Variants in CNTN4 observed in about 807,000 individuals in gnomAD.
CNTN4 encodes contactin 4.
CNTN4 carries 77 observed loss-of-function variants against 122.5 expected under a neutral mutation model. That is an observed-to-expected ratio of 0.63 (90% CI 0.52 to 0.76). The LOEUF (loss-of-function observed/expected upper bound fraction) is 0.76. Among genes scored for constraint, CNTN4 ranks in the 30% least tolerant of loss-of-function variants. The probability of loss-of-function intolerance (pLI) is 0.00; values close to 1 mark genes in which losing one functional copy is unlikely to be tolerated. For missense variants in CNTN4, 1,256 were observed against 1,259.1 expected (o/e 1.00, Z 0.04); for synonymous variants, 512 against 447.0 (o/e 1.15, Z -1.83).
At chr3:2,853,136 A>G (rs1278986723) in intron 7 of CNTN4, among the ~76,000 whole-genome samples, 1 of 152,052 alleles carries the variant, frequency 6.6e-6, no homozygotes, top group Non-Finnish European at 1.5e-5. Context: ...ACAAGGGTTT[A>G]TATTATATTA....
At chr3:2,677,129 T>TTAGA (rs71621501) in intron 4 of CNTN4, among the ~76,000 whole-genome samples, 42,658 of 142,998 alleles carry the variant, frequency 0.3, 6,504 homozygotes, top group East Asian at 0.45. Flanking sequence ...GATCACTCTT[T>TTAGA]TAGATAGATA....
intron 6 of CNTN4, among the ~76,000 whole-genome samples, chr3:2,801,695 G>A (rs2092351481): frequency 1.3e-5 from 2 of 150,180 alleles, no homozygotes; most frequent in Non-Finnish European, 2.9e-5. Context: ...TACTCTGTCA[G>A]ACAGTGAGGT....
intron 13 of CNTN4, among the ~76,000 whole-genome samples, chr3:2,952,568 ATTATTTGACTCTT>A (rs1362425989): frequency 6.6e-6 from 1 of 152,118 alleles, no homozygotes; most frequent in Non-Finnish European, 1.5e-5. Flanking sequence ...TTATTGTTTT[ATTATTTGACTCTT>A]TGATTGACAG....
At chr3:3,048,032 C>G (rs532318645) in intron 23 of CNTN4, among the ~76,000 whole-genome samples, 2 of 152,278 alleles carry the variant, frequency 1.3e-5, no homozygotes, top group East Asian at 3.9e-4. Flanking sequence ...CCAGCTCAGT[C>G]ACTCCCCCTT....
In CNTN4 at chr3:2,287,676, GAAGAAGAAGAA is replaced by G. The variant is rs1559415544; in HGVS notation, c.-144-51501_-144-51491del. 5.2e-3 allele frequency among the ~76,000 whole-genome samples: 475 copies of G among 92,118 alleles called. 8 individuals carry two copies. Among genetic ancestry groups the G allele is most frequent in the Middle Eastern group, 0.022 (4 of 180 alleles). The allele number at this position is 92,118 out of a possible 152,430, so 60.4% of individuals were successfully genotyped here. Reference sequence around the variant, plus strand: ...AGAAGAAGAAGAAGAAGAAGAAGAAGAAGAAGAAGAAGAAGAGGAAGAAGAAGAAGAAGAGG... The same window carrying G: ...AGAAGAAGAAGAAGAAGAAGAAGAAGGAAGAGGAAGAAGAAGAAGAAGAGG... On this transcript the variant is annotated intron_variant, in intron 2 of 24. Transcript: ENST00000418658.
At chr3:2,199,718 A>G (rs2038009262) in intron 2 of CNTN4, among the ~76,000 whole-genome samples, 1 of 152,200 alleles carries the variant, frequency 6.6e-6, no homozygotes, top group African/African-American at 2.4e-5. Context: ...ACAGACAGTA[A>G]ATAACATAGC....
intron 4 of CNTN4, among the ~76,000 whole-genome samples, chr3:2,688,448 A>G (rs558680378): frequency 2.0e-5 from 3 of 152,342 alleles, no homozygotes; most frequent in African/African-American, 7.2e-5. Context: ...AAATACATGG[A>G]ATTAAAATAA....
At chr3:2,775,092 G>A (rs1183015604) in intron 6 of CNTN4, among the ~76,000 whole-genome samples, 1 of 152,168 alleles carries the variant, frequency 6.6e-6, no homozygotes, top group Non-Finnish European at 1.5e-5. Flanking sequence ...CATAAGTGAT[G>A]GTTTGCTTTT....
chr3:3,040,026 T>C lies in CNTN4; in HGVS notation c.2164-11T>C, dbSNP rs752005476. The C allele has an allele frequency of 9.4e-6, 15 of 1,588,826 alleles. No individual in the cohort carries two copies. Among genetic ancestry groups the C allele is most frequent in the Middle Eastern group, 1.7e-4 (1 of 6,052 alleles). On this transcript the variant is annotated splice_polypyrimidine_tract_variant and intron_variant, in intron 19 of 24. Coordinates refer to ENST00000418658, the MANE Select transcript of CNTN4 (RefSeq NM_175607.3). ...CTGTGATTTCTGAAGACCACCTTCC[T>C]TCTTTCCCAGACGGTCCCTGAGGAA...
In CNTN4 at chr3:2,963,022, G is replaced by A. The variant is rs533382880; in HGVS notation, c.1359-25323G>A. 5.3e-5 allele frequency among the ~76,000 whole-genome samples: 8 copies of A among 152,156 alleles called. No homozygotes were observed. The South Asian group carries it at 1.5e-3, about 28-fold the overall frequency. ...GAGTAGAATGGGGTTATCCCCTCCC[G>A]CATTCTGGATGCCGTATATCTATTA... On this transcript the variant is annotated intron_variant, in intron 13 of 24. Coordinates refer to ENST00000418658, the MANE Select transcript of CNTN4 (RefSeq NM_175607.3).
intron 4 of CNTN4, among the ~76,000 whole-genome samples, chr3:2,651,685 C>T (rs565575752): frequency 1.3e-5 from 2 of 151,518 alleles, no homozygotes; most frequent in South Asian, 4.2e-4. Context: ...ACCTCCATCT[C>T]TACAATTTTT....
At chr3:2,925,193 C>G (rs747073559) in intron 12 of CNTN4, among the ~76,000 whole-genome samples, 108 of 152,268 alleles carry the variant, frequency 7.1e-4, no homozygotes, top group South Asian at 2.1e-4. Context: ...TCAAAACATA[C>G]AGTGCTACAT....
At chr3:2,996,037 T>C (rs1166427819) in intron 14 of CNTN4, among the ~76,000 whole-genome samples, 1 of 152,150 alleles carries the variant, frequency 6.6e-6, no homozygotes, top group African/African-American at 2.4e-5. Flanking sequence ...AAATTAGTAA[T>C]ATAAAATAAT....
At chr3:3,033,413 G>T (rs1281391089) in intron 16 of CNTN4, among the ~76,000 whole-genome samples, 2 of 152,192 alleles carry the variant, frequency 1.3e-5, no homozygotes, top group Admixed American at 6.5e-5. Context: ...AAAGGAAAGG[G>T]AATTTAGGGC....
At chr3:3,036,608 C>A (rs115761766) in intron 17 of CNTN4, among the ~76,000 whole-genome samples, 5 of 148,596 alleles carry the variant, frequency 3.4e-5, no homozygotes, top group South Asian at 2.2e-4. Flanking sequence ...ACTAAAAATA[C>A]AAAAAAAAAA....
intron 13 of CNTN4, among the ~76,000 whole-genome samples, chr3:2,978,666 T>A (rs1250584009): frequency 6.6e-6 from 1 of 152,232 alleles, no homozygotes; most frequent in African/African-American, 2.4e-5. Context: ...ACAGGCTCGC[T>A]GACACGTGCC....
rs1421755199 is a variant in CNTN4, at chr3:2,307,985, T to G, written c.-144-31193T>G. Among the ~76,000 whole-genome samples, 3 of 152,284 alleles carry G rather than the reference T, an allele frequency of 2.0e-5. No individual in the cohort carries two copies. The East Asian group carries it at 5.8e-4, about 29-fold the overall frequency. ...CTTTGTCTTCTAGTTTTTGAAGAAT[T>G]TCAATAAACATTTTGTGGAATGTAC... On this transcript the variant is annotated intron_variant, in intron 2 of 24. Coordinates refer to ENST00000418658, the MANE Select transcript of CNTN4 (RefSeq NM_175607.3).
chr3:2,296,446 T>C (rs568823016), intron 2 of CNTN4, among the ~76,000 whole-genome samples: 1 of 151,650 alleles, frequency 6.6e-6, no homozygotes, highest in Non-Finnish European at 1.5e-5. Context: ...GCAATTTAAT[T>C]ATTTCAGTGG....
chr3:2,425,776 C>G (rs2047804180), intron 3 of CNTN4, among the ~76,000 whole-genome samples: 1 of 152,148 alleles, frequency 6.6e-6, no homozygotes, highest in Non-Finnish European at 1.5e-5. Flanking sequence ...TTGAAGAGCT[C>G]CTTCACAACC....
Sources: allele counts gnomAD v4.1 joint callset (sites outside exome capture counted in the v4.1 genomes callset), GRCh38; gene constraint gnomAD v4.1.1; transcripts MANE v1.5; gene names NCBI Gene and HGNC (gene_info 2026-07-23, HGNC 2026-07-21).